The following MED12L variants were observed in gnomAD, a reference collection of about 807,000 sequenced individuals.
The protein encoded by MED12L is mediator complex subunit 12L.
MED12L carries 60 observed loss-of-function variants against 281.3 expected under a neutral mutation model. The ratio of observed to expected loss-of-function variants is 0.21; its 90% CI spans 0.17 to 0.26. The LOEUF (loss-of-function observed/expected upper bound fraction) is 0.26, where lower values mean the gene tolerates loss of function less well. Among genes scored for constraint, MED12L ranks in the 10% least tolerant of loss-of-function variants. MED12L has a pLI of 1.00. For missense variants in MED12L, 2,146 were observed against 2,680.9 expected (o/e 0.80, Z 4.41); for synonymous variants, 974 against 987.2 (o/e 0.99, Z 0.25).
At chr3:151,183,013 G>A (rs1445485935) in intron 11 of MED12L, among the ~76,000 whole-genome samples, 1 of 152,172 alleles carries the variant, frequency 6.6e-6, no homozygotes, top group African/African-American at 2.4e-5. Context: ...GGCTTCAGGA[G>A]AGCATATGAT....
chr3:151,335,325 T>G (rs760359744), intron 16 of MED12L, among the ~76,000 whole-genome samples: 4 of 152,216 alleles, frequency 2.6e-5, no homozygotes, highest in Non-Finnish European at 5.9e-5. Flanking sequence ...CATAAATATG[T>G]ACAGTTATTA....
chr3:151,121,208 C>T (rs1246471344), intron 3 of MED12L, among the ~76,000 whole-genome samples: 3 of 152,104 alleles, frequency 2.0e-5, no homozygotes, highest in African/African-American at 7.2e-5. Context: ...TTCCAAACAG[C>T]TGGTTTTCCT....
chr3:151,387,999 C>T lies in MED12L; in HGVS notation c.5278C>T (p.Leu1760Phe). ...CATGCCCAAGCCCCGCAGTTACTAC[C>T]TCCAGCCACTGCCCCTGCCTCCTGA... ...HPMPKPRSYYLQPLPLPPEEE... is the reference protein window; with the variant it reads ...HPMPKPRSYYFQPLPLPPEEE... Residue 1760 changes from leucine to phenylalanine, a missense_variant, in exon 37 of 45, where the codon CTC (leucine) becomes TTC (phenylalanine). This residue lies in a region of MED12L where 496 missense variants were observed against 512.0 expected (regional missense o/e 0.97). Transcript: ENST00000687756. The T allele has an allele frequency of 6.2e-7, 1 of 1,614,048 alleles. No individual in the cohort carries two copies. Among genetic ancestry groups the T allele is most frequent in the African/African-American group, 1.3e-5 (1 of 75,022 alleles).
rs16863320 is a variant in MED12L at position 151,338,300 on chromosome 3, G to A, written c.2251-11759G>A. On this transcript the variant is annotated intron_variant, in intron 16 of 44. Transcript: ENST00000687756. ...TTACTATTTCATGCCAGACTAGACC[G>A]AACTCTGATTTAAGGAAAGAGCATT... 10,817 of 1,613,960 alleles carry A rather than the reference G, an allele frequency of 6.7e-3. 632 individuals are homozygous for A. In the African/African-American group the frequency reaches 0.13, roughly 19 times the overall value.
intron 5 of MED12L, among the ~76,000 whole-genome samples, chr3:151,136,928 C>G (rs1412920418): frequency 6.6e-6 from 1 of 151,978 alleles, no homozygotes; most frequent in Non-Finnish European, 1.5e-5. Flanking sequence ...CTTTGGGAGG[C>G]TAAGGTGGGT....
intron 16 of MED12L, among the ~76,000 whole-genome samples, chr3:151,267,751 A>G (rs764041386): frequency 6.6e-6 from 1 of 152,160 alleles, no homozygotes; most frequent in Non-Finnish European, 1.5e-5. Context: ...CATTAAAAAG[A>G]ATTGCCTAAT....
At chr3:151,288,130 C>T (rs1553769346) in intron 16 of MED12L, among the ~76,000 whole-genome samples, 1 of 152,172 alleles carries the variant, frequency 6.6e-6, no homozygotes, top group Non-Finnish European at 1.5e-5. Context: ...ATTACTGCCC[C>T]AGAGAGTATT....
chr3:151,302,289 G>A (rs1366452821), intron 16 of MED12L, among the ~76,000 whole-genome samples: 1 of 152,142 alleles, frequency 6.6e-6, no homozygotes, highest in Non-Finnish European at 1.5e-5. Flanking sequence ...TGTATGGTAA[G>A]GCAATTCTTG....
chr3:151,294,700 A>AC (rs749289961), intron 16 of MED12L: 2 of 1,614,166 alleles, frequency 1.2e-6, no homozygotes, highest in South Asian at 2.2e-5. Context: ...CTGTTGGCTG[A>AC]CCATTTGTTA....
intron 18 of MED12L, 65 bp downstream of exon 18, chr3:151,355,304 T>C: frequency 9.2e-7 from 1 of 1,085,038 alleles, no homozygotes; most frequent in Non-Finnish European, 1.4e-6. Flanking sequence ...ATTTTTTTCA[T>C]GCAGTATATT....
chr3:151,363,193 TA>T (rs1754836672), intron 21 of MED12L, among the ~76,000 whole-genome samples: 1 of 152,170 alleles, frequency 6.6e-6, no homozygotes, highest in Admixed American at 6.6e-5. Context: ...TGGCACTGTC[TA>T]AAGTTTCCTC....
At chr3:151,264,814 CAG>C (rs1739530496) in intron 16 of MED12L, among the ~76,000 whole-genome samples, 1 of 152,098 alleles carries the variant, frequency 6.6e-6, no homozygotes, top group South Asian at 2.1e-4. Context: ...AGAAAACATC[CAG>C]AGTTTGGTCA....
chr3:151,141,067 C>G (rs570091288), intron 5 of MED12L, among the ~76,000 whole-genome samples: 4 of 152,082 alleles, frequency 2.6e-5, no homozygotes, highest in Non-Finnish European at 5.9e-5. Flanking sequence ...TGGGGTTTCA[C>G]CATGTTAGCC....
intron 2 of MED12L, among the ~76,000 whole-genome samples, chr3:151,114,571 C>G (rs1348197198): frequency 2.6e-5 from 4 of 152,082 alleles, no homozygotes; most frequent in Non-Finnish European, 5.9e-5. Flanking sequence ...ATAAGTGTAT[C>G]TTATTCTTGT....
At chr3:151,424,915 C>T (rs1718710203) in intron 43 of MED12L, among the ~76,000 whole-genome samples, 1 of 152,168 alleles carries the variant, frequency 6.6e-6, no homozygotes, top group Non-Finnish European at 1.5e-5. Flanking sequence ...TGCTTTGCTG[C>T]TTTGTTCTTT....
At chr3:151,309,915 T>C (rs1196134488) in intron 16 of MED12L, among the ~76,000 whole-genome samples, 1 of 152,204 alleles carries the variant, frequency 6.6e-6, no homozygotes, top group Non-Finnish European at 1.5e-5. Flanking sequence ...TTTTTTTTTC[T>C]GCCTTCTGAA....
intron 43 of MED12L, among the ~76,000 whole-genome samples, chr3:151,427,259 T>C (rs1297536645): frequency 2.0e-5 from 3 of 152,206 alleles, no homozygotes; most frequent in Non-Finnish European, 2.9e-5. Flanking sequence ...AGATAATGTC[T>C]TAGTATTTAT....
chr3:151,334,595 G>A (rs1676039762), intron 16 of MED12L, among the ~76,000 whole-genome samples: 2 of 152,078 alleles, frequency 1.3e-5, no homozygotes, highest in South Asian at 4.1e-4. Context: ...AACCTCGTGT[G>A]TTCAAGCGGT....
intron 39 of MED12L, among the ~76,000 whole-genome samples, chr3:151,397,644 G>A (rs1273203932): frequency 2.0e-5 from 3 of 152,148 alleles, no homozygotes; most frequent in African/African-American, 7.2e-5. Flanking sequence ...TTTAATATCT[G>A]TTGCTGGGCA....
Sources: gnomAD v4.1 joint callset for allele counts (sites outside exome capture counted in the v4.1 genomes callset) on GRCh38, gnomAD v4.1.1 for gene constraint, gnomAD v4.1.1 regional missense constraint, MANE v1.5 for transcripts, NCBI Gene and HGNC (gene_info 2026-07-23, HGNC 2026-07-21) for gene names.